Variants in INTU observed in about 807,000 individuals in gnomAD.
The protein encoded by INTU is inturned planar cell polarity protein.
In INTU, 68 loss-of-function variants were observed where a neutral mutation model predicts 100.5. That is an observed-to-expected ratio of 0.68 (90% CI 0.56 to 0.83). The LOEUF (loss-of-function observed/expected upper bound fraction) is 0.83. Ranked by LOEUF, INTU falls within the 40% of genes least tolerant of loss-of-function variation. The pLI is 0.00. For synonymous variants in INTU, 357 were observed against 395.7 expected (o/e 0.90, Z 1.16); for missense variants, 1,071 against 1,114.7 (o/e 0.96, Z 0.56).
Position 127,721,764 on chromosome 4 carries a change from A to G in INTU, c.*5328A>G, listed in dbSNP as rs1455145769. 1.3e-5 allele frequency: 2 copies of G among 152,178 alleles called. No homozygotes were observed. Among genetic ancestry groups the G allele is most frequent in the South Asian group, 4.1e-4 (2 of 4,830 alleles). 9.4% of individuals were successfully genotyped at this position (152,178 alleles called of 1,614,324 possible). A position where few individuals can be genotyped will look rare whatever the true frequency, so the allele number is the denominator to read the frequency against. ...TTTCTTCCACTTAGTCTATTTGGCT[A>G]TGGATACTTGTGTTTCCATTATAAA... On this transcript the variant is annotated 3_prime_UTR_variant, in exon 16 of 16. Transcript: ENST00000335251.
At chr4:127,668,365 C>T (rs753678058) in intron 4 of INTU, among the ~76,000 whole-genome samples, 1 of 151,634 alleles carries the variant, frequency 6.6e-6, no homozygotes, top group Non-Finnish European at 1.5e-5. Context: ...CTAGTATTTT[C>T]CATGATTTAA....
intron 6 of INTU, chr4:127,676,154 C>T (rs1729166303): frequency 1.2e-5 from 2 of 161,738 alleles, no homozygotes; most frequent in South Asian, 3.1e-4. Context: ...GGCGCTGTGA[C>T]ATATACTAGA....
intron 8 of INTU, among the ~76,000 whole-genome samples, chr4:127,691,128 G>T (rs1241538943): frequency 6.6e-6 from 1 of 151,850 alleles, no homozygotes; most frequent in Non-Finnish European, 1.5e-5. Flanking sequence ...TTTCAGATTG[G>T]CTTCTTTCAC....
At chr4:127,699,857 A>G (rs991797133) in intron 8 of INTU, among the ~76,000 whole-genome samples, 153 bp from the exon 9 acceptor site, 2 of 152,216 alleles carry the variant, frequency 1.3e-5, no homozygotes, top group Admixed American at 6.5e-5. Context: ...TAAAAACAAT[A>G]TGTTCCATTT....
chr4:127,683,113 A>C (rs1729658908), intron 6 of INTU, among the ~76,000 whole-genome samples: 1 of 152,184 alleles, frequency 6.6e-6, no homozygotes, highest in Non-Finnish European at 1.5e-5. Context: ...GTTGTGCCAC[A>C]TGAGGGATGC....
rs1206434077 is a variant in INTU at position 127,647,062 on chromosome 4, T to G, written c.682+3006T>G. 4.9e-4 allele frequency among the ~76,000 whole-genome samples: 75 copies of G among 152,174 alleles called. 1 individual carries two copies. Among genetic ancestry groups the G allele is most frequent in the Admixed American group, 4.9e-3 (75 of 15,274 alleles). On this transcript the variant is annotated intron_variant, in intron 2 of 15. Coordinates refer to ENST00000335251, the MANE Select transcript of INTU (RefSeq NM_015693.4). ...AATCCCCACCTCTAACAAGCAAGCC[T>G]GATTTATTTTTTTCCTAACTGACCT...
chr4:127,694,667 C>T (rs7687675), intron 8 of INTU, among the ~76,000 whole-genome samples: 242 of 152,204 alleles, frequency 1.6e-3, no homozygotes, highest in African/African-American at 5.6e-3. Flanking sequence ...GATATATGAT[C>T]CACTTAGAGT....
At chr4:127,640,367 T>A (rs1423997620) in intron 1 of INTU, among the ~76,000 whole-genome samples, 1 of 151,726 alleles carries the variant, frequency 6.6e-6, no homozygotes, top group Non-Finnish European at 1.5e-5. Context: ...TGGGGGTCTC[T>A]TATTTACACT....
chr4:127,676,976 C>T (rs968079265), intron 6 of INTU, among the ~76,000 whole-genome samples: 13 of 152,258 alleles, frequency 8.5e-5, no homozygotes, highest in Non-Finnish European at 1.6e-4. Flanking sequence ...GGGTCCTACG[C>T]CCACGGAGTC....
intron 11 of INTU, 35 bp downstream of exon 11, chr4:127,705,847 CTTCTT>C (rs754697217): frequency 6.5e-7 from 1 of 1,545,586 alleles, no homozygotes; most frequent in Non-Finnish European, 8.9e-7. Context: ...TAGGATTTTT[CTTCTT>C]TTCTTTTATT....
chr4:127,710,216 G>T (rs573672187), intron 13 of INTU, among the ~76,000 whole-genome samples: 2 of 152,016 alleles, frequency 1.3e-5, no homozygotes, highest in African/African-American at 4.8e-5. Flanking sequence ...CCAAAGATGT[G>T]TGTTTATTCT....
At chr4:127,707,012 T>C (rs1214046782) in intron 12 of INTU, 43 bp downstream of exon 12, 2 of 1,562,836 alleles carry the variant, frequency 1.3e-6, no homozygotes, top group African/African-American at 1.4e-5. Flanking sequence ...AGCTAAGTTG[T>C]CTCTCCAGTC....
intron 3 of INTU, among the ~76,000 whole-genome samples, chr4:127,661,105 T>A (rs904150372): frequency 6.6e-5 from 10 of 152,188 alleles, no homozygotes; most frequent in African/African-American, 2.2e-4. Context: ...GAATAGTGGC[T>A]GAAATAGTTC....
intron 7 of INTU, among the ~76,000 whole-genome samples, chr4:127,685,090 T>C (rs1385769953): frequency 1.3e-5 from 2 of 152,062 alleles, no homozygotes; most frequent in East Asian, 3.9e-4. Flanking sequence ...TATTGACTGG[T>C]TTTGTTCGTG....
At chr4:127,645,470 G>T (rs1259563921) in intron 2 of INTU, among the ~76,000 whole-genome samples, 1 of 152,104 alleles carries the variant, frequency 6.6e-6, no homozygotes, top group Non-Finnish European at 1.5e-5. Flanking sequence ...GGAATCCCAA[G>T]TGAGAACCAC....
chr4:127,702,486 T>C (rs1009846504), intron 9 of INTU, among the ~76,000 whole-genome samples: 8 of 152,128 alleles, frequency 5.3e-5, no homozygotes, highest in African/African-American at 1.7e-4. Flanking sequence ...CAAATTCTGG[T>C]ATATCCAGGA....
chr4:127,714,152 T>A, intron 15 of INTU, 59 bp downstream of exon 15: 1 of 1,358,722 alleles, frequency 7.4e-7, no homozygotes, highest in Non-Finnish European at 1.0e-6. Context: ...AGAAAAGTGG[T>A]AAAGGAGATT....
chr4:127,701,462 C>T (rs1413353539), intron 9 of INTU, among the ~76,000 whole-genome samples: 3 of 152,132 alleles, frequency 2.0e-5, no homozygotes, highest in Non-Finnish European at 4.4e-5. Flanking sequence ...GAGTCTCATA[C>T]ATTCAAGGAA....
chr4:127,712,952 A>T (rs2148738084), intron 14 of INTU, among the ~76,000 whole-genome samples: 1 of 152,352 alleles, frequency 6.6e-6, no homozygotes, highest in South Asian at 2.1e-4. Context: ...GAACAGTTTC[A>T]TCCTGAAACC....
Sources: allele counts gnomAD v4.1 joint callset (sites outside exome capture counted in the v4.1 genomes callset), GRCh38; gene constraint gnomAD v4.1.1; transcripts MANE v1.5; gene names NCBI Gene and HGNC (gene_info 2026-07-23, HGNC 2026-07-21).